ZBTB40: variants seen among roughly 807,000 people sequenced by gnomAD.
ZBTB40 encodes zinc finger and BTB domain containing 40.
In ZBTB40, 60 loss-of-function variants were observed where a neutral mutation model predicts 117.5. The observed-to-expected ratio is 0.51, with a 90% CI of 0.41 to 0.63. The LOEUF is 0.63. Among genes scored for constraint, ZBTB40 ranks in the 30% least tolerant of loss-of-function variants. ZBTB40 has a pLI of 0.00. For missense variants in ZBTB40, 1,287 were observed against 1,498.5 expected (o/e 0.86, Z 2.33); for synonymous variants, 525 against 577.1 (o/e 0.91, Z 1.29).
At chr1:22,505,064 A>G (rs911408652) in intron 5 of ZBTB40, among the ~76,000 whole-genome samples, 2 of 152,238 alleles carry the variant, frequency 1.3e-5, no homozygotes, top group African/African-American at 4.8e-5. Context: ...TCATATATAT[A>G]AAACCAATTT....
At chr1:22,442,652 A>G (rs1240673818) in intron 1 of ZBTB40, among the ~76,000 whole-genome samples, 11 of 152,182 alleles carry the variant, frequency 7.2e-5, no homozygotes, top group African/African-American at 2.7e-4. Flanking sequence ...AAGTCTGGTG[A>G]CCTTGCTGTA....
At chr1:22,433,442 A>AACAAAAACAAAAAAAAAAAC (rs1557469777) in intron 1 of ZBTB40, among the ~76,000 whole-genome samples, 1 of 139,822 alleles carries the variant, frequency 7.2e-6, no homozygotes, top group Non-Finnish European at 1.6e-5. Context: ...CAAAAAAAAA[A>AACAAAAACAAAAAAAAAAAC]AAAAAAAAAA....
At chr1:22,441,326 CT>C (rs1282193267) in intron 1 of ZBTB40, among the ~76,000 whole-genome samples, 2 of 151,956 alleles carry the variant, frequency 1.3e-5, no homozygotes, top group African/African-American at 2.4e-5. Flanking sequence ...TAGTAATGTC[CT>C]TGAGTCTCCT....
At chr1:22,472,708 C>T (rs1215860300) in intron 1 of ZBTB40, among the ~76,000 whole-genome samples, 1 of 152,146 alleles carries the variant, frequency 6.6e-6, no homozygotes, top group African/African-American at 2.4e-5. Flanking sequence ...GTGTTCAGTT[C>T]AGCATATATT....
chr1:22,496,112 G>A (rs974001241), intron 3 of ZBTB40, among the ~76,000 whole-genome samples: 1 of 152,250 alleles, frequency 6.6e-6, no homozygotes, highest in Admixed American at 6.5e-5. Flanking sequence ...CATACAATGA[G>A]ACACAGTGGA....
chr1:22,507,850 A>G (rs1231703418), intron 6 of ZBTB40, 151 bp from the exon 7 acceptor site: 5 of 1,078,552 alleles, frequency 4.6e-6, no homozygotes, highest in South Asian at 1.3e-5. Flanking sequence ...AGCTCTGAAC[A>G]TATGTGTATG....
intron 1 of ZBTB40, among the ~76,000 whole-genome samples, chr1:22,479,995 C>T (rs940718386): frequency 6.6e-6 from 1 of 152,142 alleles, no homozygotes; most frequent in African/African-American, 2.4e-5. Flanking sequence ...CAACCTCCGT[C>T]TCCTGGGTTC....
At position 22,520,519 on chromosome 1, in the gene ZBTB40, A is replaced by C. The variant is rs1227094390; in HGVS notation, c.3048+244A>C. ...TCATACGCTTCTTCTCTTAGACAGC[A>C]GACTTGTCGTGAACTAATGCTGCTT... On this transcript the variant is annotated intron_variant, in intron 14 of 17. Transcript: ENST00000375647. 2.0e-5 allele frequency among the ~76,000 whole-genome samples: 3 copies of C among 152,212 alleles called. No homozygotes were observed. The East Asian group carries it at 5.8e-4, about 29-fold the overall frequency.
chr1:22,508,285 T>C, intron 7 of ZBTB40, 148 bp downstream of exon 7: 1 of 1,090,724 alleles, frequency 9.2e-7, no homozygotes, highest in Non-Finnish European at 1.3e-6. Context: ...AGAAGGTATC[T>C]CAGTTTCTAA....
At chr1:22,495,078 T>G (rs890605676) in intron 3 of ZBTB40, among the ~76,000 whole-genome samples, 3 of 152,178 alleles carry the variant, frequency 2.0e-5, no homozygotes, top group African/African-American at 7.2e-5. Context: ...CAGCTTAACG[T>G]TAAAAATAGT....
At chr1:22,518,757 CA>C (rs1301828657) in intron 13 of ZBTB40, among the ~76,000 whole-genome samples, 1 of 152,072 alleles carries the variant, frequency 6.6e-6, no homozygotes. Context: ...CAAGGCTGTC[CA>C]AAAAAATCCA....
At chr1:22,484,289 G>A (rs12135613) in intron 1 of ZBTB40, among the ~76,000 whole-genome samples, 2,200 of 152,248 alleles carry the variant, frequency 0.014, 23 homozygotes, top group Non-Finnish European at 0.024. Context: ...AACAACATGG[G>A]ATATCTCTCC....
intron 6 of ZBTB40, 59 bp from the exon 7 acceptor site, chr1:22,507,929 GGTAATATCCTGGA>G (rs1639116476): frequency 6.2e-7 from 1 of 1,609,150 alleles, no homozygotes; most frequent in Admixed American, 1.7e-5. Flanking sequence ...CTCTCTCATT[GGTAATATCCTGGA>G]GTCTTCTGTA....
rs552754971 is a variant in ZBTB40, at chr1:22,464,710, C to T, written c.-70+12706C>T. Among the ~76,000 whole-genome samples the T allele has an allele frequency of 1.5e-4, 23 of 152,258 alleles. No homozygotes were observed. In the South Asian group the frequency reaches 4.8e-3, roughly 32 times the overall value. On this transcript the variant is annotated intron_variant, in intron 1 of 17. Coordinates refer to ENST00000375647, the MANE Select transcript of ZBTB40 (RefSeq NM_014870.4). ...CACTCTTAGCATTTTTCTGTATTTTCTATATTTTTAAATGCAAATATGTAT... is the reference window on the plus strand; with the variant it reads ...CACTCTTAGCATTTTTCTGTATTTTTTATATTTTTAAATGCAAATATGTAT...
chr1:22,505,105 T>C (rs1639042984), intron 5 of ZBTB40, among the ~76,000 whole-genome samples: 1 of 152,170 alleles, frequency 6.6e-6, no homozygotes, highest in Non-Finnish European at 1.5e-5. Context: ...TATTTTAAAA[T>C]GGAAGTTAAT....
chr1:22,435,721 A>G (rs1413814028), intron 1 of ZBTB40, among the ~76,000 whole-genome samples: 1 of 152,222 alleles, frequency 6.6e-6, no homozygotes. Flanking sequence ...ATTAGATTTC[A>G]TCACAGTTAA....
intron 3 of ZBTB40, among the ~76,000 whole-genome samples, chr1:22,499,716 T>C (rs2124441823): frequency 6.6e-6 from 1 of 152,308 alleles, no homozygotes; most frequent in East Asian, 1.9e-4. Context: ...TAATTTAGCT[T>C]TATACAGACA....
At chr1:22,435,642 A>T (rs1206378313) in intron 1 of ZBTB40, among the ~76,000 whole-genome samples, 1 of 152,204 alleles carries the variant, frequency 6.6e-6, no homozygotes, top group Non-Finnish European at 1.5e-5. Flanking sequence ...GGAGAAATGC[A>T]CCAGGGTTTC....
intron 1 of ZBTB40, among the ~76,000 whole-genome samples, chr1:22,458,406 C>T (rs1641054013): frequency 6.6e-6 from 1 of 152,206 alleles, no homozygotes. Flanking sequence ...CAGTTGAAAT[C>T]TCTCAGTGGC....
Sources: allele counts gnomAD v4.1 joint callset (sites outside exome capture counted in the v4.1 genomes callset), GRCh38; gene constraint gnomAD v4.1.1; transcripts MANE v1.5; gene names NCBI Gene and HGNC (gene_info 2026-07-23, HGNC 2026-07-21).